The following KLRG1 variants were observed in gnomAD, a reference collection of about 807,000 sequenced individuals.
The protein encoded by KLRG1 is killer cell lectin-like receptor subfamily G member 1.
In KLRG1, 16 loss-of-function variants were observed where a neutral mutation model predicts 21.8. The observed-to-expected ratio is 0.73, with a 90% CI of 0.50 to 1.11. The LOEUF is 1.11. Among genes scored for constraint, KLRG1 ranks in the 50% most tolerant of loss-of-function variants. The probability of loss-of-function intolerance (pLI) is 0.00; values close to 1 mark genes in which losing one functional copy is unlikely to be tolerated. For synonymous variants in KLRG1, 69 were observed against 75.9 expected (o/e 0.91, Z 0.47); for missense variants, 173 against 218.3 (o/e 0.79, Z 1.31).
chr12:9,121,675 G>C, the KLRG1 span, among the ~76,000 whole-genome samples: 1 of 152,218 alleles, frequency 6.6e-6, no homozygotes, highest in Non-Finnish European at 1.5e-5. This position sits in a 1 kb window ranked among gnomAD's most constrained non-coding sequence, Gnocchi z 4.4. Flanking sequence ...TAGATCCTAT[G>C]TTTGCTACAG....
intron 1 of KLRG1, among the ~76,000 whole-genome samples, chr12:8,972,900 G>A (rs1946594011): frequency 6.6e-6 from 1 of 152,048 alleles, no homozygotes. Flanking sequence ...TAGCACTTTG[G>A]GAGGCCCAGG....
chr12:9,047,683 T>C, the KLRG1 span, among the ~76,000 whole-genome samples: 1 of 152,068 alleles, frequency 6.6e-6, no homozygotes, highest in Non-Finnish European at 1.5e-5. Context: ...ATATAAAGGA[T>C]AGATTGAAAA....
chr12:9,105,708 T>C, the KLRG1 span, among the ~76,000 whole-genome samples: 1 of 152,192 alleles, frequency 6.6e-6, no homozygotes, highest in Admixed American at 6.5e-5. Flanking sequence ...TTTTACCCCA[T>C]GTTCACTGTT....
intron 1 of KLRG1, among the ~76,000 whole-genome samples, chr12:8,958,828 G>A (rs1011407303): frequency 3.4e-5 from 5 of 147,546 alleles, no homozygotes; most frequent in African/African-American, 1.3e-4. Flanking sequence ...CTGCACTCCA[G>A]CCTGGACAAC....
the KLRG1 span, among the ~76,000 whole-genome samples, chr12:9,126,668 T>C: frequency 6.6e-6 from 1 of 152,152 alleles, no homozygotes; most frequent in Admixed American, 6.5e-5. Flanking sequence ...AGCCTAGAAG[T>C]TTCTTTTAAG....
the KLRG1 span, among the ~76,000 whole-genome samples, chr12:9,053,981 C>A: frequency 6.6e-6 from 1 of 152,272 alleles, no homozygotes; most frequent in Middle Eastern, 3.4e-3. Flanking sequence ...TCCATGATCC[C>A]CTTAAAAGCC....
At chr12:9,072,636 C>T in the KLRG1 span, 1 of 1,613,138 alleles carries the variant, frequency 6.2e-7, no homozygotes, top group Admixed American at 1.7e-5. Flanking sequence ...CTGTCCTCAC[C>T]TGCCCAAGAG....
chr12:8,972,399 C>T (rs918511664), intron 1 of KLRG1, among the ~76,000 whole-genome samples: 20 of 152,080 alleles, frequency 1.3e-4, no homozygotes, highest in South Asian at 6.2e-4. Context: ...CCTCGTGATC[C>T]GCCCCTGCCT....
chr12:9,092,800 G>C, the KLRG1 span, among the ~76,000 whole-genome samples: 1 of 152,230 alleles, frequency 6.6e-6, no homozygotes, highest in African/African-American at 2.4e-5. Context: ...ACCTTGTAGA[G>C]ATATATGTGT....
At chr12:9,020,035 C>T in the KLRG1 span, among the ~76,000 whole-genome samples, 1 of 150,622 alleles carries the variant, frequency 6.6e-6, no homozygotes, top group Admixed American at 6.7e-5. Context: ...GATTCTTAAT[C>T]ATTCTTTGTA....
chr12:9,006,689 G>T (rs1428242029), intron 3 of KLRG1, among the ~76,000 whole-genome samples: 1 of 152,180 alleles, frequency 6.6e-6, no homozygotes, highest in African/African-American at 2.4e-5. Flanking sequence ...ACATGACCTT[G>T]TCTTCTCATC....
At chr12:9,016,629 T>C in the KLRG1 span, among the ~76,000 whole-genome samples, 21 of 152,200 alleles carry the variant, frequency 1.4e-4, no homozygotes, top group African/African-American at 4.3e-4. Flanking sequence ...TTATTTTATT[T>C]TGAGACAGTG....
At chr12:8,988,302 T>C (rs1028974629), upstream of KLRG1, 4 of 152,216 alleles carry the variant, frequency 2.6e-5, no homozygotes, top group African/African-American at 9.6e-5. Context: ...AGGGTGATCA[T>C]TGCACTCACC....
In KLRG1 at chr12:8,989,619, A is replaced by G. The variant is rs760097458; in HGVS notation, c.-17A>G. On this transcript the variant is annotated 5_prime_UTR_variant, in exon 1 of 5. It removes the in-frame stop codon of an upstream open reading frame in the 5' UTR. Transcript: ENST00000356986. Reference sequence around the variant, plus strand: ...AATTTAACTCTCTCAACTGCATGTGAAAGATCTTAGCTGAAGATGACTGAC... The same window carrying G: ...AATTTAACTCTCTCAACTGCATGTGGAAGATCTTAGCTGAAGATGACTGAC... 4 of 1,557,446 alleles carry G rather than the reference A, an allele frequency of 2.6e-6. No individual in the cohort carries two copies. The African/African-American group carries it at 4.1e-5, about 16-fold the overall frequency.
At chr12:9,106,193 G>T in the KLRG1 span, 1 of 1,159,844 alleles carries the variant, frequency 8.6e-7, no homozygotes, top group Non-Finnish European at 1.3e-6. Flanking sequence ...TGCTAATTAG[G>T]TAACAGTACA....
At chr12:9,191,327 A>G in the KLRG1 span, among the ~76,000 whole-genome samples, 27 of 152,274 alleles carry the variant, frequency 1.8e-4, no homozygotes, top group African/African-American at 6.0e-4. Flanking sequence ...TCCATTCTCC[A>G]TATCTAACTA....
chr12:9,189,023 C>T, the KLRG1 span, among the ~76,000 whole-genome samples: 6 of 152,008 alleles, frequency 3.9e-5, no homozygotes, highest in Non-Finnish European at 5.9e-5. Context: ...AAAAAATATT[C>T]CATGCTCATA....
At chr12:9,105,726 T>C in the KLRG1 span, among the ~76,000 whole-genome samples, 7 of 152,326 alleles carry the variant, frequency 4.6e-5, no homozygotes, top group South Asian at 1.4e-3. Flanking sequence ...GTTTTAGAAA[T>C]ATACTTGTTA....
chr12:9,080,125 T>C, the KLRG1 span: 4 of 1,590,376 alleles, frequency 2.5e-6, no homozygotes, highest in East Asian at 9.1e-5. Context: ...GGGCAGATTC[T>C]TCTACCACAT....
Sources: gnomAD v4.1 joint callset for allele counts (sites outside exome capture counted in the v4.1 genomes callset) on GRCh38, gnomAD v4.1.1 for gene constraint, Gnocchi (gnomAD v3.1) non-coding constraint, MANE v1.5 for transcripts, NCBI Gene and HGNC (gene_info 2026-07-23, HGNC 2026-07-21) for gene names.